Variants in PLA2G2C observed in about 807,000 individuals in gnomAD.
PLA2G2C encodes the protein putative inactive group IIC secretory phospholipase A2.
Under a neutral mutation model 14.3 loss-of-function variants are expected in PLA2G2C, and 15 were observed. The observed-to-expected ratio is 1.05, with a 90% CI of 0.70 to 1.62. The LOEUF (loss-of-function observed/expected upper bound fraction) is 1.62. Ranked by LOEUF, PLA2G2C falls within the 40% of genes most tolerant of loss-of-function variation. The pLI, the probability that PLA2G2C is intolerant of heterozygous loss-of-function variation, is 0.00. For missense variants in PLA2G2C, 162 were observed against 173.2 expected, an observed-to-expected ratio of 0.94 and a Z score of 0.36; for synonymous variants, 79 against 67.7, an observed-to-expected ratio of 1.17 and a Z score of -0.82.
chr1:20,171,758 CTTTTTTTTTTTT>C (rs10710359), intron 4 of PLA2G2C, among the ~76,000 whole-genome samples: 1 of 121,524 alleles, frequency 8.2e-6, no homozygotes, highest in African/African-American at 2.9e-5. Flanking sequence ...GCCACTTCTT[CTTTTTTTTTTTT>C]TTTTTTTTTG....
In PLA2G2C at chr1:20,175,108, C is replaced by G. The variant is rs1209052395; in HGVS notation, c.78G>C (p.Arg26Ser). Residue 26 changes from arginine to serine, a missense_variant, in exon 3 of 5, where the codon AGG becomes AGC. Physicochemically the swap from Arg to Ser is moderately radical, Grantham distance 110. Coordinates refer to ENST00000679259, the MANE Select transcript of PLA2G2C (RefSeq NM_001367969.2). Reference protein sequence around the residue: ...THSSFWQFQRRVKHITGRSAF... With the variant: ...THSSFWQFQRSVKHITGRSAF... ...CACTTCGCCCCGTGATGTGTTTGAC[C>G]CTCCTCTGAAACTGCCAGAAACTGC... The G allele has an allele frequency of 6.2e-7, 1 of 1,613,774 alleles. No individual in the cohort carries two copies. The highest frequency in any genetic ancestry group is 1.3e-5 in the African/African-American group (1 of 74,878).
intron 4 of PLA2G2C, among the ~76,000 whole-genome samples, chr1:20,167,691 T>G (rs2018000996): frequency 6.6e-6 from 1 of 152,214 alleles, no homozygotes; most frequent in Non-Finnish European, 1.5e-5. Context: ...CTGCTTCACA[T>G]GCTCCAATGA....
Position 20,175,112 on chromosome 1 carries a change from C to T in PLA2G2C, c.74G>A (p.Arg25Lys), listed in dbSNP as rs2018159179. The change falls in exon 3 of 5, where the codon AGG becomes AAG. Residue 25 changes from arginine to lysine, a missense_variant. Arg to Lys is a conservative substitution (Grantham distance 26). Transcript: ENST00000679259. The stretch of plus-strand genomic sequence containing the variant: ...TCGCCCCGTGATGTGTTTGACCCTC[C>T]TCTGAAACTGCCAGAAACTGCTGTG... ...PTHSSFWQFQ[R>K]RVKHITGRSA... The T allele has an allele frequency of 1.2e-6, 2 of 1,613,976 alleles. No individual in the cohort carries two copies. The highest frequency in any genetic ancestry group is 1.7e-6 in the Non-Finnish European group (2 of 1,179,870).
intron 4 of PLA2G2C, among the ~76,000 whole-genome samples, chr1:20,167,981 T>C (rs1258637086): frequency 1.3e-5 from 2 of 152,240 alleles, no homozygotes; most frequent in African/African-American, 4.8e-5. Context: ...TGGTCTCTTG[T>C]TCTTTTTGGA....
At chr1:20,171,379 C>T (rs2018070186) in intron 4 of PLA2G2C, among the ~76,000 whole-genome samples, 1 of 152,226 alleles carries the variant, frequency 6.6e-6, no homozygotes, top group African/African-American at 2.4e-5. Context: ...GTGCTGGTGG[C>T]AGTGGGCAGG....
intron 4 of PLA2G2C, among the ~76,000 whole-genome samples, chr1:20,164,544 C>T (rs1230089350): frequency 6.6e-6 from 1 of 152,188 alleles, no homozygotes; most frequent in Admixed American, 6.5e-5. Context: ...GAGGCAGGGG[C>T]GTGGGCTGCG....
At chr1:20,178,088 C>T (rs941619500) in intron 1 of PLA2G2C, among the ~76,000 whole-genome samples, 1 of 152,076 alleles carries the variant, frequency 6.6e-6, no homozygotes. Context: ...CATTGTGGGA[C>T]CTGCTGGAAT....
intron 1 of PLA2G2C, among the ~76,000 whole-genome samples, chr1:20,182,153 C>T (rs192667345): frequency 2.0e-5 from 3 of 152,280 alleles, no homozygotes; most frequent in Admixed American, 2.0e-4. Context: ...TATTTTCCAA[C>T]AATACGGGGA....
chr1:20,180,642 T>C (rs991512933), intron 1 of PLA2G2C, among the ~76,000 whole-genome samples: 3 of 152,212 alleles, frequency 2.0e-5, no homozygotes, highest in African/African-American at 7.2e-5. Context: ...TTTGAGGGCA[T>C]TTTCATGCAC....
intron 1 of PLA2G2C, among the ~76,000 whole-genome samples, chr1:20,178,444 G>A (rs2018224299): frequency 6.6e-6 from 1 of 152,228 alleles, no homozygotes; most frequent in Admixed American, 6.5e-5. Context: ...TCCTGCTGCA[G>A]ATCCCTGGGA....
At position 20,175,000 on chromosome 1, in the gene PLA2G2C, C is replaced by A. The variant is rs958487626; in HGVS notation, c.179+7G>T. ...ATGATAAGTGGCCTTAGAGCCTCTG[C>A]ACCCACCTGTCAGTGTCATCCACGG... On this transcript the variant is annotated splice_region_variant and intron_variant, in intron 3 of 4. Coordinates refer to ENST00000679259, the MANE Select transcript of PLA2G2C (RefSeq NM_001367969.2). 6 of 1,611,872 alleles carry A rather than the reference C, an allele frequency of 3.7e-6. 1 individual carries two copies. In the Middle Eastern group the frequency reaches 5.0e-4, roughly 133 times the overall value.
intron 4 of PLA2G2C, among the ~76,000 whole-genome samples, chr1:20,166,091 C>T (rs1233141453): frequency 1.3e-5 from 2 of 152,210 alleles, no homozygotes; most frequent in East Asian, 1.9e-4. Flanking sequence ...GTGCCTGGCA[C>T]GCAGAAGGTG....
intron 2 of PLA2G2C, among the ~76,000 whole-genome samples, chr1:20,176,494 C>T (rs889434314): frequency 6.6e-5 from 10 of 152,164 alleles, no homozygotes; most frequent in African/African-American, 2.2e-4. Context: ...TTCTCAGGTG[C>T]CTTCGATCTC....
rs542700670 is a variant in PLA2G2C, at chr1:20,164,053, C to T, written c.388G>A (p.Glu130Lys). The change falls in exon 5 of 5, where the codon GAG (glutamate) becomes AAG (lysine). Residue 130 changes from glutamate (E) to lysine (K), a missense_variant. Transcript: ENST00000679259. ...HCFKESLPTYEKNFKQFSSQP... is the reference protein window; with the variant it reads ...HCFKESLPTYKKNFKQFSSQP... ...CTGGAGAACTGCTTGAAGTTTTTCTCATAGGTGGGCAGGCTCTCTTTGAAG... is the reference window on the plus strand; with the variant it reads ...CTGGAGAACTGCTTGAAGTTTTTCTTATAGGTGGGCAGGCTCTCTTTGAAG... 10 of 1,613,802 alleles carry T rather than the reference C, an allele frequency of 6.2e-6. No homozygotes were observed. The highest frequency in any genetic ancestry group is 4.0e-5 in the African/African-American group (3 of 75,044).
chr1:20,173,337 AAAT>A (rs1285513853), intron 3 of PLA2G2C, among the ~76,000 whole-genome samples: 1 of 151,996 alleles, frequency 6.6e-6, no homozygotes, highest in African/African-American at 2.4e-5. Context: ...ATAAAATAAA[AAAT>A]AATAATAATA....
At chr1:20,179,222 G>C (rs1330309269) in intron 1 of PLA2G2C, among the ~76,000 whole-genome samples, 2 of 150,140 alleles carry the variant, frequency 1.3e-5, no homozygotes, top group African/African-American at 5.0e-5. Context: ...CTGTGTGTGT[G>C]TGTGTGTGTG....
intron 1 of PLA2G2C, among the ~76,000 whole-genome samples, chr1:20,185,165 G>A (rs186530622): frequency 1.3e-5 from 2 of 152,240 alleles, no homozygotes; most frequent in African/African-American, 4.8e-5. Flanking sequence ...AAGAAGAAAG[G>A]AGGGAGAGAG....
chr1:20,173,904 C>T (rs1362058374), intron 3 of PLA2G2C, among the ~76,000 whole-genome samples: 1 of 152,184 alleles, frequency 6.6e-6, no homozygotes, highest in Non-Finnish European at 1.5e-5. Context: ...AGGGGAGGCA[C>T]AGACCATCAA....
intron 1 of PLA2G2C, among the ~76,000 whole-genome samples, chr1:20,183,591 A>C (rs2018311381): frequency 6.6e-6 from 1 of 152,246 alleles, no homozygotes. Context: ...GGTGCACAGC[A>C]CCATCTTGGG....
Sources: allele counts gnomAD v4.1 joint callset (sites outside exome capture counted in the v4.1 genomes callset), GRCh38; gene constraint gnomAD v4.1.1; transcripts MANE v1.5; gene names NCBI Gene and HGNC (gene_info 2026-07-23, HGNC 2026-07-21).